The following UBE2K variants were observed in gnomAD, a reference collection of about 807,000 sequenced individuals.
UBE2K encodes ubiquitin conjugating enzyme E2 K.
In UBE2K, 6 loss-of-function variants were observed where a neutral mutation model predicts 30.0. That is an observed-to-expected ratio of 0.20 (90% CI 0.11 to 0.39). The LOEUF (loss-of-function observed/expected upper bound fraction) is 0.39. Ranked by LOEUF, UBE2K falls within the 10% of genes least tolerant of loss-of-function variation. The pLI, the probability that UBE2K is intolerant of heterozygous loss-of-function variation, is 1.00. For missense variants in UBE2K, 61 were observed against 241.6 expected, an observed-to-expected ratio of 0.25 and a Z score of 4.96; for synonymous variants, 86 against 83.7, an observed-to-expected ratio of 1.03 and a Z score of -0.15.
intron 1 of UBE2K, among the ~76,000 whole-genome samples, chr4:39,726,795 C>T (rs914317099): frequency 2.0e-5 from 3 of 151,988 alleles, no homozygotes; most frequent in Non-Finnish European, 4.4e-5. Context: ...CAGGGTTTCA[C>T]CATGTTGGTT....
In UBE2K at chr4:39,703,426, A is replaced by G. The variant is rs1348298995; in HGVS notation, c.63+5036A>G. Among the ~76,000 whole-genome samples, 2 of 152,080 alleles carry G rather than the reference A, an allele frequency of 1.3e-5. 1 individual carries two copies. Among genetic ancestry groups the G allele is most frequent in the Non-Finnish European group, 2.9e-5 (2 of 67,984 alleles). On this transcript the variant is annotated intron_variant, in intron 1 of 6. Coordinates refer to ENST00000261427, the MANE Select transcript of UBE2K (RefSeq NM_005339.5). ...CTACTCGGGAGGCCGAGGCTGGAGGATGCTTGAGCCCATGAGGTCAAGGCT... is the reference window on the plus strand; with the variant it reads ...CTACTCGGGAGGCCGAGGCTGGAGGGTGCTTGAGCCCATGAGGTCAAGGCT...
At chr4:39,739,734 C>G (rs573905996) in intron 2 of UBE2K, among the ~76,000 whole-genome samples, 1 of 152,194 alleles carries the variant, frequency 6.6e-6, no homozygotes, top group East Asian at 1.9e-4. Context: ...CGTGAGCCAC[C>G]GCACCGCACC....
At chr4:39,757,266 TC>T (rs1447790712) in intron 4 of UBE2K, among the ~76,000 whole-genome samples, 1 of 152,138 alleles carries the variant, frequency 6.6e-6, no homozygotes, top group East Asian at 1.9e-4. Flanking sequence ...GCTCAGGTGA[TC>T]CACCTGCCTC....
In UBE2K at chr4:39,698,279, T is replaced by G. The variant is rs1717803125; in HGVS notation, c.-49T>G. Reference sequence around the variant, plus strand: ...GAAGAGGTGGCGGCGGTGGCGGTGGTCGTAGCGGTGGCGGAGGAGGCGGGT... The same window carrying G: ...GAAGAGGTGGCGGCGGTGGCGGTGGGCGTAGCGGTGGCGGAGGAGGCGGGT... On this transcript the variant is annotated 5_prime_UTR_variant, in exon 1 of 7. Coordinates refer to ENST00000261427, the MANE Select transcript of UBE2K (RefSeq NM_005339.5). 1 of 1,578,030 alleles carries G rather than the reference T, an allele frequency of 6.3e-7. No individual in the cohort carries two copies.
intron 2 of UBE2K, among the ~76,000 whole-genome samples, chr4:39,743,666 G>A (rs1390026909): frequency 6.6e-6 from 1 of 151,264 alleles, no homozygotes; most frequent in African/African-American, 2.4e-5. Context: ...ATCAGCTCAC[G>A]GCCATCTGTG....
chr4:39,753,773 T>A (rs62310124), intron 3 of UBE2K, among the ~76,000 whole-genome samples: 2,651 of 151,174 alleles, frequency 0.018, 37 homozygotes, highest in Non-Finnish European at 0.029. Context: ...GAGAGTGGAG[T>A]GTGGGATAGA....
At position 39,780,656 on chromosome 4, in the gene UBE2K, A is replaced by G. The variant is rs914573861; in HGVS notation, c.*2222A>G. On this transcript the variant is annotated 3_prime_UTR_variant, in exon 7 of 7. Transcript: ENST00000261427. ...TCATAAAAGATTCTTTATTATAAAA[A>G]TTTACCTCATTTACATTTAATGTGA... 6.6e-6 allele frequency: 1 copy of G among 152,038 alleles called. No homozygotes were observed. Among genetic ancestry groups the G allele is most frequent in the Non-Finnish European group, 1.5e-5 (1 of 67,958 alleles). 9.4% of individuals were successfully genotyped at this position (152,038 alleles called of 1,614,324 possible).
intron 4 of UBE2K, among the ~76,000 whole-genome samples, chr4:39,769,381 T>C (rs1712587605): frequency 6.6e-6 from 1 of 151,794 alleles, no homozygotes; most frequent in Non-Finnish European, 1.5e-5. Context: ...CTTGTGTTCT[T>C]TTCTAAGTGC....
chr4:39,733,889 C>T (rs1410646646), intron 1 of UBE2K, among the ~76,000 whole-genome samples: 3 of 152,052 alleles, frequency 2.0e-5, no homozygotes, highest in African/African-American at 7.2e-5. Context: ...CTTATAGTTC[C>T]TGACTCTTAA....
chr4:39,744,391 C>T (rs931823443), intron 2 of UBE2K, among the ~76,000 whole-genome samples: 1 of 146,706 alleles, frequency 6.8e-6, no homozygotes, highest in Admixed American at 6.8e-5. Flanking sequence ...CCAGGATGGT[C>T]TCGATCTCCT....
intron 5 of UBE2K, among the ~76,000 whole-genome samples, chr4:39,775,333 C>T (rs902277768): frequency 2.0e-5 from 3 of 152,178 alleles, no homozygotes; most frequent in African/African-American, 7.2e-5. Flanking sequence ...GGCACAGTTT[C>T]CAATGACCTT....
chr4:39,746,324 A>G (rs1396519876), intron 3 of UBE2K, among the ~76,000 whole-genome samples: 1 of 152,232 alleles, frequency 6.6e-6, no homozygotes, highest in Non-Finnish European at 1.5e-5. Context: ...GAAAGGGAGT[A>G]TGGAATACCC....
intron 1 of UBE2K, among the ~76,000 whole-genome samples, chr4:39,702,421 A>G (rs1277105282): frequency 6.6e-6 from 1 of 150,564 alleles, no homozygotes; most frequent in Non-Finnish European, 1.5e-5. Flanking sequence ...TGGCTGGCTA[A>G]TTTTGTATTT....
intron 1 of UBE2K, among the ~76,000 whole-genome samples, chr4:39,732,925 C>T (rs1463358760): frequency 1.3e-5 from 2 of 152,060 alleles, no homozygotes; most frequent in South Asian, 2.1e-4. Flanking sequence ...ATTCATCTGC[C>T]TCGGCCTCCT....
intron 1 of UBE2K, among the ~76,000 whole-genome samples, chr4:39,728,583 C>A (rs953893077): frequency 2.7e-5 from 4 of 148,508 alleles, no homozygotes; most frequent in African/African-American, 1.0e-4. Context: ...TTTCTTCTTT[C>A]CTTTCTTTCC....
intron 4 of UBE2K, chr4:39,771,041 G>T (rs1237104381): frequency 2.5e-6 from 4 of 1,612,246 alleles, no homozygotes; most frequent in African/African-American, 2.7e-5. Context: ...TCCTCTTTGA[G>T]GCCTATTTTG....
chr4:39,730,773 AAAT>A (rs1172772310), intron 1 of UBE2K, among the ~76,000 whole-genome samples: 4 of 151,112 alleles, frequency 2.6e-5, no homozygotes, highest in Admixed American at 1.3e-4. Context: ...CCGTCTCAAA[AAAT>A]AATAATAATA....
At chr4:39,733,448 T>A (rs1720190496) in intron 1 of UBE2K, among the ~76,000 whole-genome samples, 1 of 150,970 alleles carries the variant, frequency 6.6e-6, no homozygotes, top group South Asian at 2.1e-4. Context: ...TTCTTCTGCC[T>A]CAGTCTCCCG....
At chr4:39,702,481 C>T (rs561772600) in intron 1 of UBE2K, among the ~76,000 whole-genome samples, 10 of 151,604 alleles carry the variant, frequency 6.6e-5, no homozygotes, top group African/African-American at 1.7e-4. Flanking sequence ...CTTGAACTCC[C>T]GACCTCAGGT....
Sources: allele counts gnomAD v4.1 joint callset (sites outside exome capture counted in the v4.1 genomes callset), GRCh38; gene constraint gnomAD v4.1.1; transcripts MANE v1.5; gene names NCBI Gene and HGNC (gene_info 2026-07-23, HGNC 2026-07-21).